Variants in SCN11A observed in about 807,000 individuals in gnomAD.
SCN11A encodes sodium voltage-gated channel alpha subunit 11, also known as sodium channel protein type 11 subunit alpha.
A neutral mutation model predicts 162.2 loss-of-function variants in SCN11A; 122 were observed. That is an observed-to-expected ratio of 0.75 (90% CI 0.65 to 0.87). The LOEUF is 0.87. Ranked by LOEUF, SCN11A falls within the 40% of genes least tolerant of loss-of-function variation. SCN11A has a pLI of 0.00. For synonymous variants in SCN11A, 758 were observed against 751.5 expected (o/e 1.01, Z -0.14); for missense variants, 2,015 against 2,181.6 (o/e 0.92, Z 1.52).
chr3:38,950,825 C>G (rs559673334), intron 4 of SCN11A, among the ~76,000 whole-genome samples: 87 of 152,326 alleles, frequency 5.7e-4, no homozygotes, highest in Non-Finnish European at 1.1e-3. Flanking sequence ...AAAAGCAAAA[C>G]TGAAAGTGCA....
intron 29 of SCN11A, chr3:38,849,810 G>A (rs935612745): frequency 1.3e-5 from 2 of 152,202 alleles, no homozygotes; most frequent in Non-Finnish European, 2.9e-5. Context: ...AGTTAACCCT[G>A]CGTGTGATTA....
chr3:38,946,719 C>T, intron 6 of SCN11A, 70 bp downstream of exon 6: 1 of 984,232 alleles, frequency 1.0e-6, no homozygotes, highest in Non-Finnish European at 1.6e-6. Context: ...CATCCAATAA[C>T]ATGAACACCG....
intron 11 of SCN11A, among the ~76,000 whole-genome samples, chr3:38,916,860 G>GA (rs2065968549): frequency 6.6e-6 from 1 of 152,180 alleles, no homozygotes. Context: ...CCTGGGCCCT[G>GA]AAAAGACCAA....
Position 38,894,773 on chromosome 3 carries a change from C to T in SCN11A, c.2595G>A (p.Gln865=), listed in dbSNP as rs777793314. 83 of 1,614,074 alleles carry T rather than the reference C, an allele frequency of 5.1e-5. 1 individual carries two copies. The highest frequency in any genetic ancestry group is 1.4e-5 in the Non-Finnish European group (17 of 1,180,028). The change falls in exon 19 of 30, where the codon CAG becomes CAA. Residue 865 remains glutamine, a synonymous_variant. Coordinates refer to ENST00000302328, the MANE Select transcript of SCN11A (RefSeq NM_001349253.2). ...HKWCRKQNLP[Q]QKEVAGGCAA... is the part of the protein sequence containing the mutation. ...CACAGCCTCCTGCCACCTCTTTTTG[C>T]TGTGGTAAGTTTTGCTTCCTGCACC...
At chr3:39,029,026 T>C (rs556971594) in intron 2 of SCN11A, among the ~76,000 whole-genome samples, 1 of 152,360 alleles carries the variant, frequency 6.6e-6, no homozygotes, top group East Asian at 1.9e-4. Context: ...GGATGCATCT[T>C]TATGGATGTA....
At chr3:38,895,272 T>C (rs946028478) in intron 18 of SCN11A, among the ~76,000 whole-genome samples, 2 of 152,200 alleles carry the variant, frequency 1.3e-5, no homozygotes, top group African/African-American at 4.8e-5. Flanking sequence ...TATGGCAAAA[T>C]TGAGAGTACA....
At chr3:39,006,798 T>C (rs1451253678) in intron 2 of SCN11A, among the ~76,000 whole-genome samples, 2 of 151,898 alleles carry the variant, frequency 1.3e-5, no homozygotes, top group Non-Finnish European at 2.9e-5. Flanking sequence ...TGAGACCCTG[T>C]CTCAGAAAAA....
intron 2 of SCN11A, among the ~76,000 whole-genome samples, chr3:38,971,476 C>T (rs936437901): frequency 3.3e-5 from 5 of 152,170 alleles, no homozygotes; most frequent in African/African-American, 4.8e-5. Context: ...TAAGGCTCAC[C>T]TCTCTGTCCT....
chr3:38,860,024 G>C (rs2064937372), intron 28 of SCN11A, among the ~76,000 whole-genome samples: 1 of 152,016 alleles, frequency 6.6e-6, no homozygotes, highest in Admixed American at 6.6e-5. Flanking sequence ...TGGATCAGCT[G>C]ACACCACCCA....
rs750881156 is a variant in SCN11A at position 38,909,031 on chromosome 3, T to C, written c.1265A>G (p.Gln422Arg). The C allele has an allele frequency of 9.3e-6, 15 of 1,613,902 alleles. 1 individual carries two copies. The South Asian group carries it at 1.5e-4, about 17-fold the overall frequency. Residue 422 changes from glutamine (Q) to arginine (R), a missense_variant, in exon 13 of 30, where the codon CAG becomes CGG. Physicochemically the swap from Gln to Arg is conservative, Grantham distance 43. Transcript: ENST00000302328. ...CTCCTTTAACAGCTGCTGGGCTTCC[T>C]GAAACATCTTTTCCTTGGCCTCTAT... is the stretch of plus-strand genomic sequence containing the variant. ...AEIEAKEKMF[Q>R]EAQQLLKEEK...
At chr3:38,970,205 C>A (rs1333846847) in intron 2 of SCN11A, among the ~76,000 whole-genome samples, 1 of 152,126 alleles carries the variant, frequency 6.6e-6, no homozygotes, top group Non-Finnish European at 1.5e-5. Flanking sequence ...CTACTGGACC[C>A]TCGATTGGAT....
chr3:38,935,770 C>T (rs2066321099), intron 7 of SCN11A, among the ~76,000 whole-genome samples: 1 of 152,208 alleles, frequency 6.6e-6, no homozygotes, highest in Admixed American at 6.5e-5. Flanking sequence ...GATGGATTCA[C>T]AGCCAAATTC....
chr3:38,879,941 T>C lies in SCN11A; in HGVS notation c.3393+9A>G. The C allele has an allele frequency of 1.2e-6, 2 of 1,610,706 alleles. No homozygotes were observed. The highest frequency in any genetic ancestry group is 8.5e-7 in the Non-Finnish European group (1 of 1,178,212). On this transcript the variant is annotated intron_variant, in intron 23 of 29. Transcript: ENST00000302328. ...CAGCCTGTGTGGGACACAGAGATGG[T>C]AAACTTACAATCACAATGATGAAAT...
chr3:38,871,637 C>A lies in SCN11A; in HGVS notation c.3567G>T (p.Trp1189Cys). The change falls in exon 25 of 30, where the codon TGG becomes TGT. Residue 1189 changes from tryptophan to cysteine, a missense_variant. Trp to Cys is a radical substitution (Grantham distance 215). Transcript: ENST00000302328. ...LNVLLVCLIFWLVFCILGVYF... is the reference protein window; with the variant it reads ...LNVLLVCLIFCLVFCILGVYF... ...ATACTCCCAGAATACAAAATACGAG[C>A]CAGAAAATGAGGCAGACAAGCAAAA... 1.2e-6 allele frequency: 2 copies of A among 1,612,498 alleles called. No homozygotes were observed. Among genetic ancestry groups the A allele is most frequent in the Non-Finnish European group, 1.7e-6 (2 of 1,178,992 alleles).
chr3:38,952,121 G>A (rs2066629579), intron 4 of SCN11A, among the ~76,000 whole-genome samples: 1 of 152,148 alleles, frequency 6.6e-6, no homozygotes, highest in South Asian at 2.1e-4. Context: ...CAGGAGGAAT[G>A]AACAACTCCA....
intron 17 of SCN11A, among the ~76,000 whole-genome samples, chr3:38,899,302 A>G (rs1035727299): frequency 1.3e-5 from 2 of 152,102 alleles, no homozygotes; most frequent in Admixed American, 1.3e-4. Flanking sequence ...TGATTTCCTC[A>G]TCCTTTGTGC....
chr3:38,873,906 G>C (rs1440230356), intron 23 of SCN11A, among the ~76,000 whole-genome samples: 1 of 152,162 alleles, frequency 6.6e-6, no homozygotes, highest in Non-Finnish European at 1.5e-5. Context: ...TTGAGGAATA[G>C]TACAGCATAT....
intron 11 of SCN11A, among the ~76,000 whole-genome samples, chr3:38,915,865 T>C (rs930807422): frequency 6.6e-6 from 1 of 152,190 alleles, no homozygotes; most frequent in African/African-American, 2.4e-5. Context: ...TGGTTAATTT[T>C]CTGCCCCAGT....
At chr3:38,927,424 C>T (rs1223620811) in intron 7 of SCN11A, among the ~76,000 whole-genome samples, 1 of 151,888 alleles carries the variant, frequency 6.6e-6, no homozygotes, top group East Asian at 1.9e-4. Flanking sequence ...TTATCAAACT[C>T]CCAATGACAT....
Sources: gnomAD v4.1 joint callset for allele counts (sites outside exome capture counted in the v4.1 genomes callset) on GRCh38, gnomAD v4.1.1 for gene constraint, MANE v1.5 for transcripts, NCBI Gene and HGNC (gene_info 2026-07-23, HGNC 2026-07-21) for gene names.